Variants in PRELID2 observed in about 807,000 individuals in gnomAD.
PRELID2 encodes the protein PRELI domain-containing protein 2.
PRELID2 carries 25 observed loss-of-function variants against 28.4 expected under a neutral mutation model. The observed-to-expected ratio is 0.88, with a 90% CI of 0.64 to 1.23. PRELID2 has a LOEUF of 1.23. Among genes scored for constraint, PRELID2 ranks in the 50% most tolerant of loss-of-function variants. The pLI is 0.00. For missense variants in PRELID2, 201 were observed against 214.4 expected, an observed-to-expected ratio of 0.94 and a Z score of 0.39; for synonymous variants, 76 against 71.6, an observed-to-expected ratio of 1.06 and a Z score of -0.31.
chr5:145,305,774 C>T, the PRELID2 span, among the ~76,000 whole-genome samples: 18 of 152,138 alleles, frequency 1.2e-4, no homozygotes, highest in Non-Finnish European at 1.9e-4. Context: ...GGATCTACCA[C>T]ATCCTGGCAC....
chr5:145,740,307 T>A (rs1425853402), intron 1 of PRELID2, among the ~76,000 whole-genome samples: 1 of 97,318 alleles, frequency 1.0e-5, no homozygotes, highest in Non-Finnish European at 2.1e-5. Context: ...TATATATATA[T>A]ATATATATAT....
chr5:145,522,830 G>T (rs1752575131), intron 1 of PRELID2, among the ~76,000 whole-genome samples: 1 of 151,554 alleles, frequency 6.6e-6, no homozygotes, highest in African/African-American at 2.4e-5. Context: ...AGTAGGAGAA[G>T]AAGAAGGAGG....
At chr5:145,478,266 G>A (rs1752121772) in intron 1 of PRELID2, among the ~76,000 whole-genome samples, 1 of 152,084 alleles carries the variant, frequency 6.6e-6, no homozygotes, top group Non-Finnish European at 1.5e-5. Context: ...AAATAATATA[G>A]GTCAGGTGCA....
chr5:145,437,797 G>C, the PRELID2 span, among the ~76,000 whole-genome samples: 1 of 152,086 alleles, frequency 6.6e-6, no homozygotes, highest in Non-Finnish European at 1.5e-5. Context: ...AACTGGATCA[G>C]GTGTGAGAAC....
chr5:145,728,172 T>A (rs1756228422), intron 1 of PRELID2, among the ~76,000 whole-genome samples: 2 of 152,134 alleles, frequency 1.3e-5, no homozygotes, highest in South Asian at 4.2e-4. Context: ...ATATTGCTAG[T>A]CTTTGCTTTT....
chr5:145,643,982 G>A (rs1243825572), intron 1 of PRELID2, among the ~76,000 whole-genome samples: 1 of 152,140 alleles, frequency 6.6e-6, no homozygotes, highest in African/African-American at 2.4e-5. Flanking sequence ...TTCTTTGTTT[G>A]TTGTGTCTCT....
At chr5:145,447,628 C>A in the PRELID2 span, among the ~76,000 whole-genome samples, 12 of 105,268 alleles carry the variant, frequency 1.1e-4, no homozygotes, top group Non-Finnish European at 5.7e-5. Context: ...CCCCTCCCCC[C>A]ACCCCACCAC....
At chr5:145,386,134 A>G in the PRELID2 span, among the ~76,000 whole-genome samples, 1 of 152,064 alleles carries the variant, frequency 6.6e-6, no homozygotes, top group African/African-American at 2.4e-5. Context: ...CAATCATGGC[A>G]GAAAGGGAAG....
intron 1 of PRELID2, among the ~76,000 whole-genome samples, chr5:145,489,281 A>G (rs1426623344): frequency 6.6e-6 from 1 of 152,236 alleles, no homozygotes; most frequent in Admixed American, 6.5e-5. Flanking sequence ...AAGCATCATC[A>G]TTAGCTATTT....
intron 1 of PRELID2, among the ~76,000 whole-genome samples, chr5:145,731,358 G>A (rs76702202): frequency 6.6e-6 from 1 of 152,140 alleles, no homozygotes; most frequent in Non-Finnish European, 1.5e-5. Flanking sequence ...GAGTGACTAA[G>A]ATGCATACTG....
At chr5:145,723,072 T>C (rs1581099640) in intron 1 of PRELID2, among the ~76,000 whole-genome samples, 2 of 152,120 alleles carry the variant, frequency 1.3e-5, no homozygotes, top group Admixed American at 6.6e-5. Context: ...ATACCTAAAT[T>C]TGATTGTCAA....
chr5:145,700,580 G>C (rs948684807), intron 1 of PRELID2, among the ~76,000 whole-genome samples: 6 of 151,656 alleles, frequency 4.0e-5, no homozygotes, highest in African/African-American at 1.5e-4. Context: ...ACCCACAGCT[G>C]GTATCATTTC....
At chr5:145,828,832 C>CTTTTTTTTTT in intron 1 of PRELID2, among the ~76,000 whole-genome samples, 1 of 68,280 alleles carries the variant, frequency 1.5e-5, no homozygotes, top group Non-Finnish European at 2.6e-5. Flanking sequence ...TGAAAAAAAT[C>CTTTTTTTTTT]TTTTTTTTTT....
intron 4 of PRELID2, among the ~76,000 whole-genome samples, chr5:145,805,811 C>T (rs1753460695): frequency 6.6e-6 from 1 of 152,174 alleles, no homozygotes; most frequent in African/African-American, 2.4e-5. Flanking sequence ...TCCTAGACTA[C>T]AAAGCTGCAC....
chr5:145,835,127 G>T, intron 1 of PRELID2, 50 bp downstream of exon 1: 1 of 1,305,174 alleles, frequency 7.7e-7, no homozygotes, highest in Non-Finnish European at 1.1e-6. Flanking sequence ...GGAGAGAGGG[G>T]CAAGCAGCGG....
At chr5:145,547,871 T>C (rs1466757561) in intron 1 of PRELID2, among the ~76,000 whole-genome samples, 1 of 152,184 alleles carries the variant, frequency 6.6e-6, no homozygotes, top group Non-Finnish European at 1.5e-5. Context: ...CCAAATGCAA[T>C]GTTCTTTTCT....
At chr5:145,831,525 A>T (rs385175) in intron 1 of PRELID2, among the ~76,000 whole-genome samples, 108,623 of 152,096 alleles carry the variant, frequency 0.71, 39,974 homozygotes, top group Non-Finnish European at 0.82. Flanking sequence ...TCTACTGACT[A>T]CCAGTTCATG....
At chr5:145,266,192 T>A in the PRELID2 span, among the ~76,000 whole-genome samples, 3 of 151,814 alleles carry the variant, frequency 2.0e-5, no homozygotes, top group Non-Finnish European at 2.9e-5. Flanking sequence ...CCAGGGGATG[T>A]TGGGGAAGCT....
intron 2 of PRELID2, among the ~76,000 whole-genome samples, chr5:145,472,848 T>C (rs1455060391): frequency 2.6e-5 from 4 of 152,178 alleles, no homozygotes; most frequent in Admixed American, 6.6e-5. Context: ...TTCTCTGGTC[T>C]GATAAGTATA....
Sources: gnomAD v4.1 joint callset for allele counts (sites outside exome capture counted in the v4.1 genomes callset) on GRCh38, gnomAD v4.1.1 for gene constraint, MANE v1.5 for transcripts, NCBI Gene and HGNC (gene_info 2026-07-23, HGNC 2026-07-21) for gene names.